Variants in ATP6V0A4 observed in about 807,000 individuals in gnomAD.
The protein encoded by ATP6V0A4 is ATPase H+ transporting V0 subunit a4, also known as V-type proton ATPase 116 kDa subunit a 4.
In ATP6V0A4, 86 loss-of-function variants were observed where a neutral mutation model predicts 107.3. The observed-to-expected ratio is 0.80, with a 90% confidence interval of 0.67 to 0.96. ATP6V0A4 has a LOEUF of 0.96. Ranked by LOEUF, ATP6V0A4 falls within the 40% of genes least tolerant of loss-of-function variation. The pLI is 0.00. For synonymous variants in ATP6V0A4, 353 were observed against 381.4 expected (o/e 0.93, Z 0.87); for missense variants, 908 against 1,045.6 (o/e 0.87, Z 1.81).
intron 21 of ATP6V0A4, among the ~76,000 whole-genome samples, chr7:138,707,193 ATATT>A (rs1242144304): frequency 4.7e-5 from 3 of 64,046 alleles, no homozygotes; most frequent in Non-Finnish European, 7.8e-5. Flanking sequence ...TATATTATAT[ATATT>A]ATATAATATA....
At chr7:138,759,585 A>T (rs754763747) in intron 8 of ATP6V0A4, among the ~76,000 whole-genome samples, 167 bp downstream of exon 8, 1 of 152,136 alleles carries the variant, frequency 6.6e-6, no homozygotes, top group Non-Finnish European at 1.5e-5. Flanking sequence ...TCAAATATAT[A>T]TTTTTAAAAA....
At chr7:138,741,133 G>T (rs1444756042) in intron 14 of ATP6V0A4, among the ~76,000 whole-genome samples, 2 of 152,072 alleles carry the variant, frequency 1.3e-5, no homozygotes, top group Non-Finnish European at 2.9e-5. Context: ...AACAGAGCAA[G>T]ACTCCGTCTA....
chr7:138,759,923 G>T (rs1028399448), intron 7 of ATP6V0A4, 45 bp from the exon 8 acceptor site: 1 of 1,613,400 alleles, frequency 6.2e-7, no homozygotes, highest in South Asian at 1.1e-5. Flanking sequence ...ACAGGGATTG[G>T]GATGCAGAGA....
intron 1 of ATP6V0A4, among the ~76,000 whole-genome samples, chr7:138,788,785 T>C (rs996105131): frequency 1.3e-5 from 2 of 152,204 alleles, no homozygotes; most frequent in African/African-American, 4.8e-5. Context: ...CTGATGGTTT[T>C]ATAAATGGGA....
chr7:138,711,561 A>G (rs770842884), intron 20 of ATP6V0A4, among the ~76,000 whole-genome samples: 11 of 152,186 alleles, frequency 7.2e-5, no homozygotes, highest in Non-Finnish European at 1.2e-4. Flanking sequence ...TGATAAACGC[A>G]GAGACATGGA....
chr7:138,760,444 CAA>C (rs570463822), intron 7 of ATP6V0A4, among the ~76,000 whole-genome samples: 6 of 60,826 alleles, frequency 9.9e-5, no homozygotes, highest in African/African-American at 1.2e-4. Context: ...AACTCTGTCT[CAA>C]AAAAAAAAAA....
intron 9 of ATP6V0A4, 170 bp from the exon 10 acceptor site, chr7:138,755,952 G>A: frequency 8.2e-7 from 1 of 1,214,256 alleles, no homozygotes; most frequent in South Asian, 1.4e-5. Flanking sequence ...AGGGTTCCCA[G>A]TACGTCACTT....
chr7:138,770,866 A>G (rs1245949486), intron 3 of ATP6V0A4, among the ~76,000 whole-genome samples: 2 of 152,222 alleles, frequency 1.3e-5, no homozygotes, highest in Non-Finnish European at 2.9e-5. Flanking sequence ...ATTCAATGAC[A>G]TCTAATGAGT....
chr7:138,793,151 C>T (rs112971038), intron 1 of ATP6V0A4, among the ~76,000 whole-genome samples: 12,320 of 151,918 alleles, frequency 0.081, 1,611 homozygotes, highest in African/African-American at 0.28. Context: ...AAAAATTACC[C>T]GGGGGTGGTG....
rs915479851 is a variant in ATP6V0A4 at position 138,734,171 on chromosome 7, C to T, written c.1656G>A (p.Met552Ile). 6.2e-7 allele frequency: 1 copy of T among 1,613,740 alleles called. No homozygotes were observed. The highest frequency in any genetic ancestry group is 8.5e-7 in the Non-Finnish European group (1 of 1,179,732). ...KMSVILGIVQ[M>I]VFGVILSLFN... ...AAAGGCTGAGGATGACACCGAAAACCATCTGGACAATTCCCAGGATCACCG... is the reference window on the plus strand; with the variant it reads ...AAAGGCTGAGGATGACACCGAAAACTATCTGGACAATTCCCAGGATCACCG... The change falls in exon 16 of 22, where the codon ATG (methionine) becomes ATA (isoleucine). Residue 552 changes from methionine to isoleucine, a missense_variant. Transcript: ENST00000310018.
At chr7:138,725,981 G>GTTTATTTA (rs71520024) in intron 18 of ATP6V0A4, among the ~76,000 whole-genome samples, 20 of 150,722 alleles carry the variant, frequency 1.3e-4, no homozygotes, top group Middle Eastern at 6.8e-3. Context: ...TTGAAATGAA[G>GTTTATTTA]TTTATTTATT....
rs780506721 is a variant in ATP6V0A4 at position 138,732,905 on chromosome 7, G to C, written c.1880C>G (p.Ser627Cys). 3.1e-6 allele frequency: 5 copies of C among 1,612,936 alleles called. No individual in the cohort carries two copies. The South Asian group carries it at 5.5e-5, about 18-fold the overall frequency. ...INMFLFNYSD[S>C]SNAPLYKHQQ... ...ATGTTTGTAGAGGGGTGCGTTGGAA[G>C]AGTCACTGTAGTTAAACAGAAACAT... Residue 627 changes from serine to cysteine, a missense_variant, in exon 17 of 22, where the codon TCT becomes TGT. Ser to Cys is a moderately radical substitution (Grantham distance 112). Coordinates refer to ENST00000310018, the MANE Select transcript of ATP6V0A4 (RefSeq NM_020632.3).
chr7:138,772,120 T>A (rs567024647), intron 2 of ATP6V0A4, among the ~76,000 whole-genome samples: 3 of 152,220 alleles, frequency 2.0e-5, no homozygotes, highest in Non-Finnish European at 2.9e-5. Context: ...GTAATCCATA[T>A]GCCCATTGGG....
intron 20 of ATP6V0A4, among the ~76,000 whole-genome samples, chr7:138,714,472 G>C (rs1206610615): frequency 6.6e-6 from 1 of 152,064 alleles, no homozygotes; most frequent in Non-Finnish European, 1.5e-5. Flanking sequence ...TTGGGAGGCT[G>C]AGGCAAGAGG....
intron 18 of ATP6V0A4, among the ~76,000 whole-genome samples, chr7:138,726,394 G>T (rs1348708492): frequency 6.6e-6 from 1 of 152,236 alleles, no homozygotes; most frequent in African/African-American, 2.4e-5. Flanking sequence ...AACAGAACGT[G>T]GGGGGCCTGG....
intron 10 of ATP6V0A4, chr7:138,753,049 C>T (rs1186274321): frequency 2.5e-6 from 1 of 399,084 alleles, no homozygotes; most frequent in African/African-American, 2.2e-5. Flanking sequence ...TCTTCCTTTT[C>T]TTCTAAATTC....
intron 21 of ATP6V0A4, 96 bp from the exon 22 acceptor site, chr7:138,706,813 G>A (rs1004081484): frequency 1.4e-5 from 22 of 1,551,486 alleles, no homozygotes; most frequent in Admixed American, 1.8e-5. Context: ...CAGAGCGTTC[G>A]TAAAATCAAG....
intron 19 of ATP6V0A4, among the ~76,000 whole-genome samples, chr7:138,717,270 G>A (rs1006152121): frequency 6.6e-6 from 1 of 152,180 alleles, no homozygotes; most frequent in African/African-American, 2.4e-5. Flanking sequence ...GAAAGATCAA[G>A]GAAAGAGGAG....
At chr7:138,779,987 G>A (rs749029304) in intron 2 of ATP6V0A4, 8 of 152,184 alleles carry the variant, frequency 5.3e-5, no homozygotes, top group Non-Finnish European at 1.0e-4. Context: ...CCTGTTCTAT[G>A]TTCCCTTTAC....
Sources: gnomAD v4.1 joint callset for allele counts (sites outside exome capture counted in the v4.1 genomes callset) on GRCh38, gnomAD v4.1.1 for gene constraint, MANE v1.5 for transcripts, NCBI Gene and HGNC (gene_info 2026-07-23, HGNC 2026-07-21) for gene names.